GRID2: variants seen among roughly 807,000 people sequenced by gnomAD.
GRID2 encodes glutamate ionotropic receptor delta type subunit 2, also known as glutamate receptor ionotropic, delta-2.
In GRID2, 33 loss-of-function variants were observed where a neutral mutation model predicts 114.8. The ratio of observed to expected loss-of-function variants is 0.29; its 90% confidence interval spans 0.22 to 0.38. GRID2 has a LOEUF of 0.38. Among genes scored for constraint, GRID2 ranks in the 10% least tolerant of loss-of-function variants. GRID2 has a pLI of 1.00. For synonymous variants in GRID2, 505 were observed against 449.9 expected, an observed-to-expected ratio of 1.12 and a Z score of -1.55; for missense variants, 1,184 against 1,257.7, an observed-to-expected ratio of 0.94 and a Z score of 0.89.
intron 1 of GRID2, among the ~76,000 whole-genome samples, chr4:92,460,977 T>G (rs547364825): frequency 1.3e-5 from 2 of 151,840 alleles, no homozygotes; most frequent in South Asian, 2.1e-4. Context: ...TAACCTATTT[T>G]CCTCCCTTCT....
chr4:92,308,500 T>C (rs2110105428), intron 1 of GRID2, among the ~76,000 whole-genome samples: 1 of 152,272 alleles, frequency 6.6e-6, no homozygotes, highest in Middle Eastern at 3.4e-3. Flanking sequence ...CTTTATCCTC[T>C]GAAATCATAA....
intron 14 of GRID2, among the ~76,000 whole-genome samples, chr4:93,767,060 G>T (rs529011773): frequency 6.6e-6 from 1 of 152,174 alleles, no homozygotes; most frequent in South Asian, 2.1e-4. Context: ...TCTACAAGTA[G>T]TTGCTTCTTT....
chr4:93,443,957 A>G (rs1721861322), intron 10 of GRID2, among the ~76,000 whole-genome samples: 2 of 151,960 alleles, frequency 1.3e-5, no homozygotes, highest in African/African-American at 4.8e-5. Flanking sequence ...GACTGTGGGC[A>G]AAGCAATGTG....
At chr4:92,337,458 G>A (rs1249230187) in intron 1 of GRID2, among the ~76,000 whole-genome samples, 1 of 152,126 alleles carries the variant, frequency 6.6e-6, no homozygotes, top group African/African-American at 2.4e-5. Flanking sequence ...TGAACTGAGT[G>A]AGGAAAGCAG....
chr4:92,917,588 G>A (rs1382589898), intron 2 of GRID2, among the ~76,000 whole-genome samples: 1 of 152,186 alleles, frequency 6.6e-6, no homozygotes, highest in African/African-American at 2.4e-5. Flanking sequence ...TGGCTAGCCA[G>A]TTTTCCCAGC....
intron 13 of GRID2, among the ~76,000 whole-genome samples, chr4:93,568,860 A>T (rs948383200): frequency 2.0e-5 from 3 of 152,132 alleles, no homozygotes; most frequent in African/African-American, 7.2e-5. Context: ...GTATAATCGT[A>T]GGGAACACTG....
rs1727522389 is a variant in GRID2, at chr4:92,569,813, T to C, written c.89-20318T>C. 2.0e-5 allele frequency among the ~76,000 whole-genome samples: 3 copies of C among 152,090 alleles called. No individual in the cohort carries two copies. In the South Asian group the frequency reaches 6.2e-4, roughly 31 times the overall value. On this transcript the variant is annotated intron_variant, in intron 1 of 15. Transcript: ENST00000282020. The stretch of plus-strand genomic sequence containing the variant: ...GTCCAATGCCCACTTTTTAATGTTT[T>C]TTTTCCTTCTTGTGAGTTTAGGTTC...
At chr4:92,790,724 G>GAAA (rs148843080) in intron 2 of GRID2, among the ~76,000 whole-genome samples, 1 of 99,400 alleles carries the variant, frequency 1.0e-5, no homozygotes, top group African/African-American at 3.5e-5. Context: ...AGCTTTTTAA[G>GAAA]AAAAAAAAAA....
intron 2 of GRID2, among the ~76,000 whole-genome samples, chr4:92,811,950 CAGTAAGGATCATCT>C (rs769615851): frequency 2.4e-4 from 36 of 152,142 alleles, no homozygotes; most frequent in Non-Finnish European, 4.7e-4. Context: ...AAGGCAGTAC[CAGTAAGGATCATCT>C]ACCAAATTTT....
At chr4:93,591,628 A>G (rs1428596551) in intron 13 of GRID2, among the ~76,000 whole-genome samples, 7 of 151,824 alleles carry the variant, frequency 4.6e-5, no homozygotes, top group African/African-American at 9.7e-5. Flanking sequence ...TTCAGAAGGA[A>G]TGGTACCAGT....
chr4:92,965,095 T>G (rs879573685), intron 2 of GRID2, among the ~76,000 whole-genome samples: 10 of 151,904 alleles, frequency 6.6e-5, no homozygotes, highest in Non-Finnish European at 1.2e-4. Flanking sequence ...CACTTGAGCA[T>G]GTAGAGACCA....
chr4:92,419,496 AACAT>A (rs1007608955), intron 1 of GRID2, among the ~76,000 whole-genome samples: 31 of 152,272 alleles, frequency 2.0e-4, no homozygotes, highest in South Asian at 6.2e-4. Flanking sequence ...AAACAACATG[AACAT>A]TATATTTGTG....
At chr4:92,800,382 T>C (rs78560090) in intron 2 of GRID2, among the ~76,000 whole-genome samples, 3,466 of 151,874 alleles carry the variant, frequency 0.023, 94 homozygotes, top group East Asian at 0.12. Flanking sequence ...AGCCTTGGGA[T>C]AAGAAATAAA....
intron 2 of GRID2, among the ~76,000 whole-genome samples, chr4:92,749,124 G>GCTA (rs1288535339): frequency 6.6e-6 from 1 of 151,424 alleles, no homozygotes; most frequent in African/African-American, 2.4e-5. Context: ...CGCCTGAGTA[G>GCTA]CTGGGACTAT....
chr4:93,523,391 A>G (rs1730526428), intron 13 of GRID2, among the ~76,000 whole-genome samples: 1 of 152,126 alleles, frequency 6.6e-6, no homozygotes, highest in Non-Finnish European at 1.5e-5. Context: ...GAGTATTACC[A>G]TTATGACAAC....
intron 2 of GRID2, among the ~76,000 whole-genome samples, chr4:92,700,993 C>CAAAAAAAAAAA (rs781142253): frequency 2.9e-4 from 24 of 83,838 alleles, no homozygotes; most frequent in African/African-American, 1.1e-3. Flanking sequence ...GACTCCATCT[C>CAAAAAAAAAAA]AAAAAAAAAA....
At chr4:93,296,235 G>A (rs1754297416) in intron 8 of GRID2, among the ~76,000 whole-genome samples, 1 of 152,000 alleles carries the variant, frequency 6.6e-6, no homozygotes, top group African/African-American at 2.4e-5. Context: ...CTCTTTTCTT[G>A]TGTATATCAA....
At chr4:93,349,856 A>G (rs1327566920) in intron 8 of GRID2, among the ~76,000 whole-genome samples, 1 of 152,128 alleles carries the variant, frequency 6.6e-6, no homozygotes, top group African/African-American at 2.4e-5. Flanking sequence ...AGATAAGTAG[A>G]CAAATATTAT....
intron 2 of GRID2, among the ~76,000 whole-genome samples, chr4:92,885,477 G>A (rs760162502): frequency 5.3e-5 from 8 of 152,140 alleles, no homozygotes; most frequent in Non-Finnish European, 8.8e-5. Flanking sequence ...TGTTCACATT[G>A]CTATAAATAT....
Sources: allele counts gnomAD v4.1 joint callset (sites outside exome capture counted in the v4.1 genomes callset), GRCh38; gene constraint gnomAD v4.1.1; transcripts MANE v1.5; gene names NCBI Gene and HGNC (gene_info 2026-07-23, HGNC 2026-07-21).